The following C1orf94 variants were observed in gnomAD, a reference collection of about 807,000 sequenced individuals.
C1orf94 encodes the protein chromosome 1 open reading frame 94.
A neutral mutation model predicts 53.6 loss-of-function variants in C1orf94; 45 were observed. That is an observed-to-expected ratio of 0.84 (90% CI 0.66 to 1.08). The LOEUF (loss-of-function observed/expected upper bound fraction) is 1.08, where lower values mean the gene tolerates loss of function less well. C1orf94 is among the 50% of genes least tolerant of loss of function. The pLI is 0.00. For synonymous variants in C1orf94, 304 were observed against 296.1 expected (o/e 1.03, Z -0.27); for missense variants, 762 against 738.9 (o/e 1.03, Z -0.36).
intron 6 of C1orf94, among the ~76,000 whole-genome samples, chr1:34,213,468 C>T (rs182750609): frequency 2.7e-4 from 41 of 152,224 alleles, no homozygotes; most frequent in Middle Eastern, 6.8e-3. Context: ...CTAGGGTGCA[C>T]GGAGAATGTT....
chr1:34,207,819 A>G (rs1642823448), intron 4 of C1orf94, among the ~76,000 whole-genome samples: 1 of 152,160 alleles, frequency 6.6e-6, no homozygotes, highest in Admixed American at 6.5e-5. Flanking sequence ...AGCACATGCA[A>G]TTTTTTAGAG....
rs1642613366 is a variant in C1orf94 at position 34,197,635 on chromosome 1, C to T, written c.731C>T (p.Pro244Leu). The T allele has an allele frequency of 1.9e-6, 3 of 1,614,172 alleles. No homozygotes were observed. The highest frequency in any genetic ancestry group is 2.5e-6 in the Non-Finnish European group (3 of 1,180,020). The change falls in exon 2 of 7, where the codon CCA becomes CTA. Residue 244 changes from proline (P) to leucine (L), a missense_variant. Transcript: ENST00000488417. This position sits in a 1 kb window ranked among gnomAD's most constrained non-coding sequence, Gnocchi z 4.1. ...LQVSKLLSQF[P>L]LKSTETSKVP... ...GTCAGCAAGCTTCTGTCCCAGTTCCCACTGAAGTCCACTGAGACATCCAAG... is the reference window on the plus strand; with the variant it reads ...GTCAGCAAGCTTCTGTCCCAGTTCCTACTGAAGTCCACTGAGACATCCAAG...
At chr1:34,187,051 A>G (rs767108437) in intron 1 of C1orf94, among the ~76,000 whole-genome samples, 2 of 152,190 alleles carry the variant, frequency 1.3e-5, no homozygotes, top group Non-Finnish European at 2.9e-5. Context: ...ACAGAATATC[A>G]ATAGCTCAAG....
At chr1:34,173,450 C>G (rs538129832), upstream of C1orf94, among the ~76,000 whole-genome samples, 12 of 152,216 alleles carry the variant, frequency 7.9e-5, no homozygotes, top group East Asian at 2.3e-3. Flanking sequence ...GTTTTCCAGC[C>G]TAGCCATGTT....
Position 34,218,651 on chromosome 1 carries a change from A to C in C1orf94, c.1722-35A>C, listed in dbSNP as rs759958870. 3 of 1,555,158 alleles carry C rather than the reference A, an allele frequency of 1.9e-6. 1 individual carries two copies. The South Asian group carries it at 3.4e-5, about 18-fold the overall frequency. On this transcript the variant is annotated intron_variant, in intron 6 of 6. Transcript: ENST00000488417. ...CTAATTCTCTCCGATAACATTAGGA[A>C]TCTCATCATGGCATCCACCCTCCCT...
chr1:34,215,554 G>A (rs1642971212), intron 6 of C1orf94, among the ~76,000 whole-genome samples: 1 of 152,176 alleles, frequency 6.6e-6, no homozygotes, highest in South Asian at 2.1e-4. Flanking sequence ...CAGTGACCCT[G>A]GGAAAGGGGG....
At chr1:34,183,483 G>A (rs1002062909) in intron 1 of C1orf94, among the ~76,000 whole-genome samples, 1 of 152,210 alleles carries the variant, frequency 6.6e-6, no homozygotes, top group Non-Finnish European at 1.5e-5. Flanking sequence ...ACAGAGATAA[G>A]CAGAACAGAA....
At chr1:34,180,042 C>T (rs546395623) in intron 1 of C1orf94, among the ~76,000 whole-genome samples, 9 of 152,290 alleles carry the variant, frequency 5.9e-5, no homozygotes, top group Non-Finnish European at 1.0e-4. Flanking sequence ...AAAATAAAGG[C>T]GGTGTGCTGG....
At chr1:34,201,488 A>G (rs929248012) in intron 3 of C1orf94, among the ~76,000 whole-genome samples, 5 of 152,230 alleles carry the variant, frequency 3.3e-5, no homozygotes, top group Admixed American at 6.5e-5. Flanking sequence ...TCTTGTAGAA[A>G]GGAAGAATCC....
At chr1:34,202,651 T>C (rs968374898) in intron 4 of C1orf94, among the ~76,000 whole-genome samples, 6 of 152,192 alleles carry the variant, frequency 3.9e-5, no homozygotes, top group African/African-American at 1.2e-4. Context: ...CAGTCCTTGT[T>C]TCCCACCTCT....
intron 1 of C1orf94, among the ~76,000 whole-genome samples, chr1:34,170,876 A>T (rs1044434947): frequency 6.6e-6 from 1 of 152,088 alleles, no homozygotes; most frequent in African/African-American, 2.4e-5. Flanking sequence ...ACATCAAGCC[A>T]TCACTGAGCC....
chr1:34,215,899 G>C (rs540177444), intron 6 of C1orf94, among the ~76,000 whole-genome samples: 2 of 152,078 alleles, frequency 1.3e-5, no homozygotes, highest in Non-Finnish European at 2.9e-5. Flanking sequence ...CCAGCTACTC[G>C]GGAGGCTGAG....
intron 4 of C1orf94, among the ~76,000 whole-genome samples, chr1:34,206,066 C>G (rs745429361): frequency 3.9e-5 from 6 of 152,164 alleles, no homozygotes; most frequent in Non-Finnish European, 8.8e-5. Flanking sequence ...CCTGAGAATC[C>G]GCCCTGGGAC....
chr1:34,189,425 TGGA>T (rs1642445257), intron 1 of C1orf94, among the ~76,000 whole-genome samples: 2 of 152,040 alleles, frequency 1.3e-5, no homozygotes, highest in African/African-American at 4.8e-5. Flanking sequence ...ATCTTGGATC[TGGA>T]GGAGAAGGAA....
upstream of C1orf94, among the ~76,000 whole-genome samples, chr1:34,175,713 C>T (rs1177567297): frequency 6.6e-6 from 1 of 152,122 alleles, no homozygotes; most frequent in Non-Finnish European, 1.5e-5. Flanking sequence ...TGAGTGCCTA[C>T]TATGTGCCAG....
At chr1:34,180,970 G>T (rs527960120) in intron 1 of C1orf94, among the ~76,000 whole-genome samples, 4 of 152,226 alleles carry the variant, frequency 2.6e-5, no homozygotes, top group Non-Finnish European at 4.4e-5. Flanking sequence ...CTGCCAAGTG[G>T]TGCACTTGTA....
intron 6 of C1orf94, among the ~76,000 whole-genome samples, chr1:34,214,239 A>G (rs1642946657): frequency 6.6e-6 from 1 of 152,206 alleles, no homozygotes; most frequent in South Asian, 2.1e-4. Context: ...CAGATGGGAA[A>G]GCAAGTGGCA....
At chr1:34,181,966 G>A (rs1642316682) in intron 1 of C1orf94, among the ~76,000 whole-genome samples, 1 of 152,170 alleles carries the variant, frequency 6.6e-6, no homozygotes, top group Non-Finnish European at 1.5e-5. Flanking sequence ...GGCTGAGGTG[G>A]GCAGAACGCT....
rs78880741 is a variant in C1orf94 at position 34,204,888 on chromosome 1, A to G, written c.1446+2629A>G. 9.9e-3 allele frequency among the ~76,000 whole-genome samples: 1,501 copies of G among 152,242 alleles called. 24 individuals carry two copies. The highest frequency in any genetic ancestry group is 0.034 in the African/African-American group (1,410 of 41,542). On this transcript the variant is annotated intron_variant, in intron 4 of 6. Transcript: ENST00000488417. ...CTAAAAAAAAAAAATGATGACTAAG[A>G]AAAGCTTGGAGTCTAATGCAAGTTC... is the stretch of plus-strand genomic sequence containing the variant.
Sources: gnomAD v4.1 joint callset for allele counts (sites outside exome capture counted in the v4.1 genomes callset) on GRCh38, gnomAD v4.1.1 for gene constraint, Gnocchi (gnomAD v3.1) non-coding constraint, MANE v1.5 for transcripts, NCBI Gene and HGNC (gene_info 2026-07-23, HGNC 2026-07-21) for gene names.